FAM83G: variants seen among roughly 807,000 people sequenced by gnomAD.
FAM83G encodes scaffolding CK1 anchoring protein G, also known as protein FAM83G.
Under a neutral mutation model 61.5 loss-of-function variants are expected in FAM83G, and 38 were observed. The ratio of observed to expected loss-of-function variants is 0.62; its 90% CI spans 0.48 to 0.81. FAM83G has a LOEUF of 0.81. Ranked by LOEUF, FAM83G falls within the 30% of genes least tolerant of loss-of-function variation. The pLI is 0.00. For synonymous variants in FAM83G, 470 were observed against 476.1 expected, an observed-to-expected ratio of 0.99 and a Z score of 0.17; for missense variants, 989 against 1,133.6, an observed-to-expected ratio of 0.87 and a Z score of 1.83.
Position 18,970,671 on chromosome 17 carries a change from G to C in FAM83G, c.*688C>G, listed in dbSNP as rs564323650. 3.2e-6 allele frequency: 1 copy of C among 315,578 alleles called. No homozygotes were observed. The highest frequency in any genetic ancestry group is 5.9e-6 in the Non-Finnish European group (1 of 168,898). 19.5% of individuals were successfully genotyped at this position (315,578 alleles called of 1,614,324 possible). A position where few individuals can be genotyped will look rare whatever the true frequency, so the allele number is the denominator to read the frequency against. On this transcript the variant is annotated 3_prime_UTR_variant, in exon 6 of 6. Transcript: ENST00000388995. ...AAAATTACTTTTGCTTCCTTGAATC[G>C]ACAATCGGAAACCTGGCTGAGAACC... is the stretch of plus-strand genomic sequence containing the variant.
At chr17:18,979,303 C>T (rs905574835) in intron 4 of FAM83G, 9 of 550,494 alleles carry the variant, frequency 1.6e-5, no homozygotes, top group South Asian at 2.2e-5. Context: ...TGCGAAGGCA[C>T]GGCCTGGCCA....
chr17:18,988,174 A>G (rs1026763686), intron 3 of FAM83G, 73 bp downstream of exon 3: 58 of 1,561,396 alleles, frequency 3.7e-5, no homozygotes, highest in Non-Finnish European at 4.8e-5. Context: ...GCAGGCAGGT[A>G]CTCGAAGTGT....
At chr17:18,986,481 C>T (rs17842754) in intron 3 of FAM83G, 23,915 of 152,214 alleles carry the variant, frequency 0.16, 2,139 homozygotes, top group South Asian at 0.34. Context: ...GCATGGCCTC[C>T]CTCGGATCTC....
chr17:18,978,077 G>C lies in FAM83G; in HGVS notation c.1589C>G (p.Pro530Arg). Residue 530 changes from proline (P) to arginine (R), a missense_variant, in exon 5 of 6, where the codon CCC (proline) becomes CGC (arginine). Physicochemically the swap from Pro to Arg is moderately radical, Grantham distance 103 (BLOSUM62 -2). Transcript: ENST00000388995. ...CCCATTCTGGGGAGCTTCCTCTTTGGGGAGCTCCAGGACCCAGCCAATATC... is the reference window on the plus strand; with the variant it reads ...CCCATTCTGGGGAGCTTCCTCTTTGCGGAGCTCCAGGACCCAGCCAATATC... ...SSDIGWVLEL[P>R]KEEAPQNGTD... is the part of the protein sequence containing the mutation. 6.6e-7 allele frequency: 1 copy of C among 1,516,226 alleles called. No homozygotes were observed. 93.9% of individuals were successfully genotyped at this position (1,516,226 alleles called of 1,614,324 possible). A position where few individuals can be genotyped will look rare whatever the true frequency, so the allele number is the denominator to read the frequency against.
At chr17:18,973,484 G>T (rs566078462) in intron 5 of FAM83G, among the ~76,000 whole-genome samples, 3 of 152,202 alleles carry the variant, frequency 2.0e-5, no homozygotes, top group Non-Finnish European at 4.4e-5. Context: ...CCCTTGGGCT[G>T]GGTCTGCCTG....
chr17:18,971,816 G>C lies in FAM83G; in HGVS notation c.2083-68C>G. On this transcript the variant is annotated intron_variant, in intron 5 of 5. Transcript: ENST00000388995. This position sits in a 1 kb window ranked among gnomAD's most constrained non-coding sequence, Gnocchi z 5.5. ...CAACCCCGCCCCAGCACAGGACCCT[G>C]CTCAGGCACACAGGAGCCGGCAGGC... 6.7e-7 allele frequency: 1 copy of C among 1,495,192 alleles called. No individual in the cohort carries two copies. The highest frequency in any genetic ancestry group is 8.9e-7 in the Non-Finnish European group (1 of 1,119,408). The allele number at this position is 1,495,192 out of a possible 1,614,324, so 92.6% of individuals were successfully genotyped here. A position where few individuals can be genotyped will look rare whatever the true frequency, so the allele number is the denominator to read the frequency against.
intron 3 of FAM83G, among the ~76,000 whole-genome samples, chr17:18,985,654 G>C (rs1444833986): frequency 6.6e-6 from 1 of 152,222 alleles, no homozygotes; most frequent in Non-Finnish European, 1.5e-5. Context: ...CTGGCCACCC[G>C]CCCAGGGCTG....
Position 18,978,656 on chromosome 17 carries a change from G to A in FAM83G, c.1010C>T (p.Ala337Val), listed in dbSNP as rs199992271. 5.6e-4 allele frequency: 909 copies of A among 1,612,992 alleles called. 1 individual carries two copies. The highest frequency in any genetic ancestry group is 7.0e-4 in the Non-Finnish European group (831 of 1,179,988). Residue 337 changes from alanine to valine, a missense_variant, in exon 5 of 6, where the codon GCG (alanine) becomes GTG (valine). Ala to Val is a moderately conservative substitution (Grantham distance 64, BLOSUM62 0). This residue lies in a region of FAM83G where 44 missense variants were observed against 83.9 expected (regional missense o/e 0.52). Transcript: ENST00000388995. ...VLPSVVPLVP[A>V]GTVAKKLVNP... ...GACGAGCTTCTTGGCCACAGTGCCC[G>A]CGGGCACCAGGGGGACCACAGAGGG... is the stretch of plus-strand genomic sequence containing the variant.
chr17:19,003,911 T>C lies in FAM83G; in HGVS notation c.131A>G (p.Asp44Gly), dbSNP rs1365089968. The change falls in exon 2 of 6, where the codon GAC becomes GGC. Residue 44 changes from aspartate (D) to glycine (G), a missense_variant. Around this residue, in one of 3 missense-constraint regions of FAM83G, gnomAD observed 371 missense variants for 404.5 expected, o/e 0.92. Coordinates refer to ENST00000388995, the MANE Select transcript of FAM83G (RefSeq NM_001039999.3). The surrounding 1 kb of genome is among the most constrained non-coding windows in gnomAD (Gnocchi z 4.5). ...CCGCTTGAGCACCTCGTAGAAGGCG[T>C]CCCGGCCGCGGGCCACCAGGGCCTC... The part of the protein sequence containing the change: ...ALEALVARGR[D>G]AFYEVLKREN... 2.5e-6 allele frequency: 4 copies of C among 1,612,786 alleles called. No homozygotes were observed. Among genetic ancestry groups the C allele is most frequent in the Non-Finnish European group, 3.4e-6 (4 of 1,179,936 alleles).
At chr17:18,984,528 T>C (rs2043219631) in intron 3 of FAM83G, among the ~76,000 whole-genome samples, 1 of 152,174 alleles carries the variant, frequency 6.6e-6, no homozygotes, top group African/African-American at 2.4e-5. Context: ...ACCGTGTGCC[T>C]TCCCATGGCC....
At chr17:18,976,015 G>A (rs573443639) in intron 5 of FAM83G, 2 of 151,394 alleles carry the variant, frequency 1.3e-5, no homozygotes, top group Non-Finnish European at 2.9e-5. Flanking sequence ...GTGAAACCTC[G>A]TCTCTATTTT....
Position 18,969,876 on chromosome 17 carries a change from T to TG in FAM83G, c.*1482dup, listed in dbSNP as rs1205974471. ...AAGGCCAGGGAGGAAAGAAGAGAGC[T>TG]GGGAGAGATTGGCGATACTAGTCTG... is the stretch of plus-strand genomic sequence containing the variant. On this transcript the variant is annotated 3_prime_UTR_variant, in exon 6 of 6. Coordinates refer to ENST00000388995, the MANE Select transcript of FAM83G (RefSeq NM_001039999.3). 6.3e-6 allele frequency: 1 copy of TG among 159,082 alleles called. No homozygotes were observed. The highest frequency in any genetic ancestry group is 1.4e-5 in the Non-Finnish European group (1 of 72,754). The allele number at this position is 159,082 out of a possible 1,614,324, so 9.9% of individuals were successfully genotyped here.
chr17:18,971,157 C>G lies in FAM83G; in HGVS notation c.*202G>C, dbSNP rs757187308. The G allele has an allele frequency of 2.5e-6, 4 of 1,614,116 alleles. No individual in the cohort carries two copies. The South Asian group carries it at 3.3e-5, about 13-fold the overall frequency. On this transcript the variant is annotated 3_prime_UTR_variant, in exon 6 of 6. Transcript: ENST00000388995. The surrounding 1 kb of genome is among the most constrained non-coding windows in gnomAD (Gnocchi z 5.5). ...CGAGACCCCCACACAGGGGACCTGCCGTGGACCGGGATGACCTTTGGCCTG... is the reference window on the plus strand; with the variant it reads ...CGAGACCCCCACACAGGGGACCTGCGGTGGACCGGGATGACCTTTGGCCTG...
At chr17:19,005,503 G>C (rs2043860417), upstream of FAM83G, among the ~76,000 whole-genome samples, 1 of 152,124 alleles carries the variant, frequency 6.6e-6, no homozygotes, top group Non-Finnish European at 1.5e-5. Context: ...ACCCCATCGC[G>C]TGCCGCAGCC....
At position 18,979,473 on chromosome 17, in the gene FAM83G, G is replaced by A. The variant is rs2043074243; in HGVS notation, c.815+76C>T. 3.3e-5 allele frequency: 51 copies of A among 1,559,968 alleles called. No homozygotes were observed. The South Asian group carries it at 3.5e-4, about 11-fold the overall frequency. On this transcript the variant is annotated intron_variant, in intron 4 of 5. Transcript: ENST00000388995. ...GGACCAATGAACCGGAATAACCAGG[G>A]TTAGGATTAAGGGCAGAAGCCAGTT...
intron 5 of FAM83G, chr17:18,976,184 A>G (rs2042973850): frequency 1.3e-5 from 2 of 150,186 alleles, no homozygotes; most frequent in Middle Eastern, 3.4e-3. Context: ...CAAGACTCCG[A>G]CTCAAAAAAA....
chr17:18,993,459 G>A (rs541096593), intron 2 of FAM83G, among the ~76,000 whole-genome samples: 31 of 152,300 alleles, frequency 2.0e-4, no homozygotes, highest in African/African-American at 6.5e-4. Context: ...CAACCTGCAC[G>A]TGACAAGCCT....
rs1447380562 is a variant in FAM83G, at chr17:19,004,348, C to G, written c.-128-179G>C. 3.2e-6 allele frequency: 1 copy of G among 310,366 alleles called. No individual in the cohort carries two copies. Among genetic ancestry groups the G allele is most frequent in the East Asian group, 7.1e-5 (1 of 14,070 alleles). 19.2% of individuals were successfully genotyped at this position (310,366 alleles called of 1,614,324 possible). ...GGAAGAAAGTAAGGGATCGGAACAGCGGTGAGGGAGCGGTGGGCCACGTCC... is the reference window on the plus strand; with the variant it reads ...GGAAGAAAGTAAGGGATCGGAACAGGGGTGAGGGAGCGGTGGGCCACGTCC... On this transcript the variant is annotated intron_variant, in intron 1 of 5. Transcript: ENST00000388995. This position sits in a 1 kb window ranked among gnomAD's most constrained non-coding sequence, Gnocchi z 5.4.
chr17:18,992,504 A>C (rs1048409591), intron 2 of FAM83G, among the ~76,000 whole-genome samples: 2 of 152,224 alleles, frequency 1.3e-5, no homozygotes, highest in Non-Finnish European at 2.9e-5. Flanking sequence ...GAAGCCACGT[A>C]ACACTGGCTG....
Sources: gnomAD v4.1 joint callset for allele counts (sites outside exome capture counted in the v4.1 genomes callset) on GRCh38, gnomAD v4.1.1 for gene constraint, gnomAD v4.1.1 regional missense constraint, Gnocchi (gnomAD v3.1) non-coding constraint, MANE v1.5 for transcripts, NCBI Gene and HGNC (gene_info 2026-07-23, HGNC 2026-07-21) for gene names.